TESC: variants seen among roughly 807,000 people sequenced by gnomAD.
TESC encodes the protein calcineurin B homologous protein 3.
Under a neutral mutation model 31.0 loss-of-function variants are expected in TESC, and 19 were observed. That is an observed-to-expected ratio of 0.61 (90% confidence interval 0.43 to 0.90). TESC has a LOEUF of 0.90. Among genes scored for constraint, TESC ranks in the 40% least tolerant of loss-of-function variants. The pLI is 0.00. For synonymous variants in TESC, 109 were observed against 114.8 expected, an observed-to-expected ratio of 0.95 and a Z score of 0.32; for missense variants, 248 against 303.8, an observed-to-expected ratio of 0.82 and a Z score of 1.36.
chr12:117,040,247 C>T (rs944632478), intron 7 of TESC, among the ~76,000 whole-genome samples: 9 of 152,158 alleles, frequency 5.9e-5, no homozygotes, highest in Admixed American at 2.6e-4. Flanking sequence ...CCCAGTCGAG[C>T]GGCCCCATCC....
chr12:117,075,059 T>C (rs1238481461), intron 2 of TESC, among the ~76,000 whole-genome samples: 1 of 152,136 alleles, frequency 6.6e-6, no homozygotes, highest in Non-Finnish European at 1.5e-5. Flanking sequence ...GGCAGAAGAA[T>C]GGTGTGAACC....
intron 1 of TESC, among the ~76,000 whole-genome samples, chr12:117,090,986 C>A (rs988636674): frequency 1.3e-5 from 2 of 152,090 alleles, no homozygotes; most frequent in African/African-American, 4.8e-5. Flanking sequence ...GCACCTGGGC[C>A]CTGAGACCTC....
intron 2 of TESC, among the ~76,000 whole-genome samples, chr12:117,068,556 G>A (rs1287897999): frequency 1.3e-5 from 2 of 152,072 alleles, no homozygotes; most frequent in Non-Finnish European, 2.9e-5. Context: ...GAACACTGCT[G>A]AAGGAAGAAA....
chr12:117,040,782 TCTC>T (rs1436780989), intron 7 of TESC, among the ~76,000 whole-genome samples: 1 of 152,256 alleles, frequency 6.6e-6, no homozygotes. Flanking sequence ...GCTGCCTGCC[TCTC>T]CTCTCTCCTG....
chr12:117,087,394 C>T (rs947377510), intron 1 of TESC, among the ~76,000 whole-genome samples: 1 of 152,152 alleles, frequency 6.6e-6, no homozygotes. Context: ...CACAGGCCCA[C>T]GTCAGCAGTG....
intron 3 of TESC, among the ~76,000 whole-genome samples, chr12:117,051,160 G>A (rs1250354620): frequency 6.6e-6 from 1 of 152,170 alleles, no homozygotes; most frequent in Non-Finnish European, 1.5e-5. Flanking sequence ...GCTTGGATAT[G>A]TTACTTGGGT....
chr12:117,062,248 G>T (rs1350348473), intron 2 of TESC, among the ~76,000 whole-genome samples: 1 of 151,598 alleles, frequency 6.6e-6, no homozygotes, highest in East Asian at 1.9e-4. Context: ...TTGAGACGGA[G>T]TCTCACTCTG....
intron 1 of TESC, among the ~76,000 whole-genome samples, chr12:117,080,861 C>T (rs181739716): frequency 3.3e-4 from 50 of 152,298 alleles, no homozygotes; most frequent in Non-Finnish European, 4.3e-4. Context: ...CCAAAGCCCA[C>T]GGAAGGACCT....
At chr12:117,058,367 T>C (rs1326520429) in intron 2 of TESC, among the ~76,000 whole-genome samples, 1 of 151,674 alleles carries the variant, frequency 6.6e-6, no homozygotes, top group Non-Finnish European at 1.5e-5. Flanking sequence ...AGAAAGCAGA[T>C]TGGTGGTTGT....
intron 2 of TESC, among the ~76,000 whole-genome samples, chr12:117,066,200 CTTTTTTT>C (rs58829406): frequency 9.5e-5 from 6 of 62,966 alleles, no homozygotes; most frequent in East Asian, 5.4e-4. Context: ...CTTCCTTTAG[CTTTTTTT>C]TTTTTTTTTT....
intron 2 of TESC, among the ~76,000 whole-genome samples, chr12:117,069,203 C>T (rs746058427): frequency 2.0e-5 from 3 of 151,722 alleles, no homozygotes; most frequent in Non-Finnish European, 4.4e-5. Context: ...GAAGCATATA[C>T]GATTTGGGGG....
intron 2 of TESC, among the ~76,000 whole-genome samples, chr12:117,070,195 C>T (rs1473145655): frequency 6.6e-6 from 1 of 152,206 alleles, no homozygotes; most frequent in African/African-American, 2.4e-5. Context: ...ACTTAGAAAA[C>T]CCCTGGCAGA....
intron 1 of TESC, among the ~76,000 whole-genome samples, chr12:117,077,542 A>G (rs1955090164): frequency 6.6e-6 from 1 of 152,270 alleles, no homozygotes; most frequent in South Asian, 2.1e-4. Context: ...ATGGCAGAGT[A>G]GAGTGCTAAT....
chr12:117,090,471 G>T (rs1001159631), intron 1 of TESC, among the ~76,000 whole-genome samples: 2 of 152,228 alleles, frequency 1.3e-5, no homozygotes, highest in Non-Finnish European at 2.9e-5. Flanking sequence ...ATTAGTAACT[G>T]CCAGTAACTC....
At chr12:117,047,233 G>A (rs914082003) in intron 4 of TESC, among the ~76,000 whole-genome samples, 1 of 152,120 alleles carries the variant, frequency 6.6e-6, no homozygotes, top group African/African-American at 2.4e-5. Context: ...AGCCCTGGAG[G>A]GCACCATCAT....
chr12:117,050,063 A>G (rs967623255), intron 3 of TESC, among the ~76,000 whole-genome samples: 2 of 152,060 alleles, frequency 1.3e-5, no homozygotes, highest in Non-Finnish European at 2.9e-5. Context: ...TTGGTCTCCC[A>G]AAGTGCTGGG....
chr12:117,056,261 TGGCCAGGCTG>T, intron 3 of TESC, among the ~76,000 whole-genome samples: 1 of 152,202 alleles, frequency 6.6e-6, no homozygotes, highest in African/African-American at 2.4e-5. Flanking sequence ...TTCACCATGT[TGGCCAGGCTG>T]GTCTTGAACT....
At chr12:117,075,847 G>A (rs866260330) in intron 1 of TESC, among the ~76,000 whole-genome samples, 13 of 67,206 alleles carry the variant, frequency 1.9e-4, no homozygotes, top group African/African-American at 7.0e-4. Flanking sequence ...GTGTGTGTGT[G>A]TATATATATA....
intron 1 of TESC, among the ~76,000 whole-genome samples, chr12:117,096,455 G>C (rs1955397474): frequency 6.6e-6 from 1 of 152,186 alleles, no homozygotes; most frequent in African/African-American, 2.4e-5. Flanking sequence ...GATCCAGGTG[G>C]GGGTACTGAG....
Sources: gnomAD v4.1 joint callset for allele counts (sites outside exome capture counted in the v4.1 genomes callset) on GRCh38, gnomAD v4.1.1 for gene constraint, MANE v1.5 for transcripts, NCBI Gene and HGNC (gene_info 2026-07-23, HGNC 2026-07-21) for gene names.